The following KLHL1 variants were observed in gnomAD, a reference collection of about 807,000 sequenced individuals.
KLHL1 encodes kelch like family member 1.
KLHL1 carries 47 observed loss-of-function variants against 77.7 expected under a neutral mutation model. That is an observed-to-expected ratio of 0.60 (90% confidence interval 0.48 to 0.77). KLHL1 has a LOEUF of 0.77. Ranked by LOEUF, KLHL1 falls within the 30% of genes least tolerant of loss-of-function variation. The pLI is 0.00. For synonymous variants in KLHL1, 360 were observed against 325.2 expected (o/e 1.11, Z -1.15); for missense variants, 925 against 910.8 (o/e 1.02, Z -0.20).
intron 8 of KLHL1, among the ~76,000 whole-genome samples, chr13:69,724,253 C>T (rs535490055): frequency 1.4e-4 from 21 of 152,134 alleles, no homozygotes; most frequent in African/African-American, 2.6e-4. Flanking sequence ...TGATGTATTA[C>T]GTCTCCATAA....
intron 5 of KLHL1, among the ~76,000 whole-genome samples, chr13:69,865,906 A>T (rs1459689618): frequency 2.0e-5 from 3 of 152,268 alleles, no homozygotes; most frequent in African/African-American, 7.2e-5. Flanking sequence ...TTATCTGCCC[A>T]ATTTTATGTG....
At chr13:69,956,655 CAG>C (rs1883896922) in intron 3 of KLHL1, among the ~76,000 whole-genome samples, 2 of 151,440 alleles carry the variant, frequency 1.3e-5, no homozygotes, top group Admixed American at 1.3e-4. Context: ...ATTCCAGTAA[CAG>C]AGTCAACAGC....
rs562310139 is a variant in KLHL1 at position 69,848,963 on chromosome 13, A to C, written c.1228-9801T>G. ...ACTTTTATTTATTTAACATGGGTTTACTGTTCCATATTTTGAAAGCTCAGA... is the reference window on the plus strand; with the variant it reads ...ACTTTTATTTATTTAACATGGGTTTCCTGTTCCATATTTTGAAAGCTCAGA... On this transcript the variant is annotated intron_variant, in intron 5 of 10. Transcript: ENST00000377844. 2.0e-5 allele frequency among the ~76,000 whole-genome samples: 3 copies of C among 151,698 alleles called. No individual in the cohort carries two copies. The East Asian group carries it at 5.8e-4, about 30-fold the overall frequency.
chr13:69,854,994 T>C (rs964130320), intron 5 of KLHL1, among the ~76,000 whole-genome samples: 3 of 152,046 alleles, frequency 2.0e-5, no homozygotes, highest in Non-Finnish European at 2.9e-5. Flanking sequence ...AAAACACTTA[T>C]TTGTACTCAT....
chr13:69,984,930 G>T (rs1292798627), intron 1 of KLHL1, among the ~76,000 whole-genome samples: 1 of 152,058 alleles, frequency 6.6e-6, no homozygotes, highest in African/African-American at 2.4e-5. Context: ...CCAACATGGA[G>T]AAACCTGGTC....
intron 7 of KLHL1, among the ~76,000 whole-genome samples, chr13:69,770,420 A>G (rs1433777238): frequency 6.6e-6 from 1 of 152,264 alleles, no homozygotes; most frequent in Non-Finnish European, 1.5e-5. Flanking sequence ...CGTCATTGAC[A>G]AGCTGTGAAT....
intron 1 of KLHL1, among the ~76,000 whole-genome samples, chr13:70,093,626 G>A (rs114601749): frequency 5.5e-4 from 83 of 152,010 alleles, no homozygotes; most frequent in African/African-American, 2.0e-3. Context: ...TGTATAAGGG[G>A]GGATATTACT....
intron 1 of KLHL1, among the ~76,000 whole-genome samples, chr13:70,055,556 C>T (rs934164076): frequency 2.6e-5 from 4 of 152,072 alleles, no homozygotes; most frequent in Middle Eastern, 3.4e-3. Context: ...CTAGTAATAT[C>T]GTGAGTAGAA....
intron 1 of KLHL1, among the ~76,000 whole-genome samples, chr13:70,097,555 T>G (rs1887822287): frequency 1.3e-5 from 2 of 152,066 alleles, no homozygotes; most frequent in East Asian, 3.8e-4. Flanking sequence ...CCTTTTCGTC[T>G]CAGCCTGCAA....
At chr13:70,091,330 G>T (rs957202748) in intron 1 of KLHL1, among the ~76,000 whole-genome samples, 1 of 151,476 alleles carries the variant, frequency 6.6e-6, no homozygotes. Flanking sequence ...CTTTCAACTT[G>T]TTCCTTCTTT....
chr13:69,736,208 C>T (rs564127723), intron 8 of KLHL1, among the ~76,000 whole-genome samples: 70 of 152,002 alleles, frequency 4.6e-4, no homozygotes, highest in African/African-American at 1.7e-3. Context: ...ACAAACAATC[C>T]CATTAAAAAT....
chr13:69,722,294 AATAG>A (rs1272208094), intron 8 of KLHL1, among the ~76,000 whole-genome samples: 15 of 152,202 alleles, frequency 9.9e-5, no homozygotes, highest in African/African-American at 1.7e-4. Context: ...TCTAGGCAAT[AATAG>A]ATCATACATT....
chr13:70,018,223 C>T (rs1333469592), intron 1 of KLHL1, among the ~76,000 whole-genome samples: 1 of 152,166 alleles, frequency 6.6e-6, no homozygotes, highest in Non-Finnish European at 1.5e-5. Flanking sequence ...TCGTTACTCA[C>T]AAGTACCCTA....
intron 3 of KLHL1, among the ~76,000 whole-genome samples, chr13:69,942,825 A>G (rs1159108726): frequency 6.6e-6 from 1 of 152,162 alleles, no homozygotes; most frequent in Non-Finnish European, 1.5e-5. Context: ...TATGAAATTT[A>G]TATATTTGCT....
chr13:70,055,040 C>T (rs1017266418), intron 1 of KLHL1, among the ~76,000 whole-genome samples: 27 of 151,654 alleles, frequency 1.8e-4, no homozygotes, highest in African/African-American at 6.3e-4. Flanking sequence ...CTTTCCAAAC[C>T]TCGAGAAAGA....
chr13:69,831,075 T>G (rs531571419), intron 6 of KLHL1, among the ~76,000 whole-genome samples: 1 of 143,030 alleles, frequency 7.0e-6, no homozygotes, highest in South Asian at 2.2e-4. Flanking sequence ...CCAAACCCAG[T>G]AGAAGAAAAA....
intron 10 of KLHL1, among the ~76,000 whole-genome samples, chr13:69,702,719 C>T (rs1267771301): frequency 6.6e-6 from 1 of 151,566 alleles, no homozygotes; most frequent in East Asian, 1.9e-4. Context: ...TAAAAAAATC[C>T]ACATGCTATT....
intron 1 of KLHL1, among the ~76,000 whole-genome samples, chr13:70,060,736 C>T (rs543921497): frequency 7.2e-5 from 11 of 151,962 alleles, no homozygotes; most frequent in African/African-American, 2.7e-4. Context: ...ATCCCAGCTA[C>T]TTGGGAGGCT....
chr13:69,829,653 C>A lies in KLHL1; in HGVS notation c.1414+9323G>T, dbSNP rs574500276. ...GTTATTAAGCTACTCAACAAGGCGC[C>A]AGAGAAAGGTGAAAAACAAGGTAAA... On this transcript the variant is annotated intron_variant, in intron 6 of 10. Coordinates refer to ENST00000377844, the MANE Select transcript of KLHL1 (RefSeq NM_020866.3). Among the ~76,000 whole-genome samples, 5 of 149,648 alleles carry A rather than the reference C, an allele frequency of 3.3e-5. No individual in the cohort carries two copies. The East Asian group carries it at 7.8e-4, about 23-fold the overall frequency.
Sources: gnomAD v4.1 joint callset for allele counts (sites outside exome capture counted in the v4.1 genomes callset) on GRCh38, gnomAD v4.1.1 for gene constraint, MANE v1.5 for transcripts, NCBI Gene and HGNC (gene_info 2026-07-23, HGNC 2026-07-21) for gene names.